Variants in GSDMC observed in about 807,000 individuals in gnomAD.
GSDMC encodes the protein gasdermin C.
GSDMC carries 59 observed loss-of-function variants against 58.0 expected under a neutral mutation model. The observed-to-expected ratio is 1.02, with a 90% CI of 0.82 to 1.26. GSDMC has a LOEUF of 1.26. Among genes scored for constraint, GSDMC ranks in the 50% most tolerant of loss-of-function variants. GSDMC has a pLI of 0.00. For synonymous variants in GSDMC, 241 were observed against 220.2 expected (o/e 1.09, Z -0.83); for missense variants, 659 against 598.5 (o/e 1.10, Z -1.06).
the GSDMC span, among the ~76,000 whole-genome samples, chr8:129,711,212 C>T: frequency 4.6e-5 from 7 of 152,132 alleles, no homozygotes; most frequent in Admixed American, 6.5e-5. Flanking sequence ...TCTTTACATG[C>T]GTGTACAATC....
chr8:129,718,818 G>A, the GSDMC span, among the ~76,000 whole-genome samples: 1 of 152,216 alleles, frequency 6.6e-6, no homozygotes, highest in East Asian at 1.9e-4. Context: ...TAAAGAAAAT[G>A]TGGCACTTAT....
At chr8:129,753,922 G>C (rs1563791254) in intron 6 of GSDMC, among the ~76,000 whole-genome samples, 1 of 152,200 alleles carries the variant, frequency 6.6e-6, no homozygotes, top group Non-Finnish European at 1.5e-5. Context: ...CCTGTGAAAA[G>C]GGGAGGGAAG....
intron 3 of GSDMC, among the ~76,000 whole-genome samples, chr8:129,769,448 T>G (rs2033979439): frequency 6.6e-6 from 1 of 152,194 alleles, no homozygotes; most frequent in Non-Finnish European, 1.5e-5. Flanking sequence ...AAATTATATA[T>G]AACTGAAGTT....
downstream of GSDMC, among the ~76,000 whole-genome samples, chr8:129,747,582 G>A (rs980094346): frequency 6.6e-6 from 1 of 152,176 alleles, no homozygotes; most frequent in Non-Finnish European, 1.5e-5. Context: ...GATAATTCTA[G>A]ATGACAGGGA....
At chr8:129,719,089 G>A in the GSDMC span, among the ~76,000 whole-genome samples, 4 of 152,254 alleles carry the variant, frequency 2.6e-5, no homozygotes, top group South Asian at 4.1e-4. Flanking sequence ...TGTAGATGAC[G>A]AGTTGATGGG....
intron 3 of GSDMC, among the ~76,000 whole-genome samples, chr8:129,769,764 C>G (rs2033990214): frequency 6.6e-6 from 1 of 152,138 alleles, no homozygotes; most frequent in Non-Finnish European, 1.5e-5. Context: ...AGGGGACATT[C>G]AAACCACAGA....
intron 1 of GSDMC, among the ~76,000 whole-genome samples, chr8:129,778,964 T>C (rs1212224911): frequency 6.6e-6 from 1 of 152,076 alleles, no homozygotes; most frequent in Non-Finnish European, 1.5e-5. Context: ...AAATAACAGA[T>C]GCTGGCAAGG....
At position 129,751,000 on chromosome 8, in the gene GSDMC, G is replaced by A. The variant is rs945955975; in HGVS notation, c.944-430C>T. On this transcript the variant is annotated intron_variant, in intron 10 of 13. Transcript: ENST00000276708. ...AAAAGAGTTTATGTAGGCCAAGCAT[G>A]ATTGCTCACACCTGTAATCCCAGCA... Among the ~76,000 whole-genome samples, 3 of 152,286 alleles carry A rather than the reference G, an allele frequency of 2.0e-5. No homozygotes were observed. In the South Asian group the frequency reaches 6.2e-4, roughly 32 times the overall value.
chr8:129,737,471 C>T, the GSDMC span, among the ~76,000 whole-genome samples: 1 of 152,152 alleles, frequency 6.6e-6, no homozygotes, highest in African/African-American at 2.4e-5. Flanking sequence ...GAAAAGAGCC[C>T]TCAGAAACAA....
Position 129,775,399 on chromosome 8 carries a change from G to A in GSDMC, c.404+703C>T, listed in dbSNP as rs550993409. 2.2e-4 allele frequency among the ~76,000 whole-genome samples: 33 copies of A among 152,234 alleles called. No individual in the cohort carries two copies. In the South Asian group the frequency reaches 5.4e-3, roughly 25 times the overall value. On this transcript the variant is annotated intron_variant, in intron 3 of 13. Coordinates refer to ENST00000276708, the MANE Select transcript of GSDMC (RefSeq NM_031415.3). ...ACAAAATAAAATGGTGGTTAGCAGG[G>A]GTTAGGAAGTCAGGGAAATGGGGCA... is the stretch of plus-strand genomic sequence containing the variant.
In GSDMC at chr8:129,748,526, A is replaced by G. The variant is rs2033029206; in HGVS notation, c.1502T>C (p.Leu501Ser). 3.1e-6 allele frequency: 5 copies of G among 1,610,820 alleles called. No homozygotes were observed. In the East Asian group the frequency reaches 1.1e-4, roughly 36 times the overall value. ...TTAGGCCTCAGCCAGCTGCTGCAGC[A>G]ACGAGAGAGTCCCATAGAGGGCAGA... ...PLSALYGTLS[L>S]LQQLAEA Residue 501 changes from leucine to serine, a missense_variant, in exon 14 of 14, where the codon TTG (leucine) becomes TCG (serine). Transcript: ENST00000276708.
At chr8:129,717,250 C>CTT in the GSDMC span, among the ~76,000 whole-genome samples, 179 of 114,628 alleles carry the variant, frequency 1.6e-3, 5 homozygotes, top group Middle Eastern at 9.5e-3. Context: ...TGGTCCTGGG[C>CTT]TTTTTTTTTT....
the GSDMC span, among the ~76,000 whole-genome samples, chr8:129,731,458 G>C: frequency 0.13 from 19,471 of 152,226 alleles, 2,180 homozygotes; most frequent in African/African-American, 0.3. Context: ...GTTTGTGTTT[G>C]TCAAGGTTCT....
At chr8:129,785,485 A>T (rs969395473) in intron 1 of GSDMC, among the ~76,000 whole-genome samples, 3 of 152,066 alleles carry the variant, frequency 2.0e-5, no homozygotes, top group African/African-American at 4.8e-5. Flanking sequence ...AATAAGATCT[A>T]GTATTCGATA....
At chr8:129,725,075 C>T in the GSDMC span, among the ~76,000 whole-genome samples, 1 of 152,208 alleles carries the variant, frequency 6.6e-6, no homozygotes, top group Admixed American at 6.5e-5. Context: ...TTGCTCCTGT[C>T]CTCTGCTAGC....
In GSDMC at chr8:129,762,615, G is replaced by A. The variant is rs115029207; in HGVS notation, c.676+11C>T. On this transcript the variant is annotated intron_variant, in intron 5 of 13. Coordinates refer to ENST00000276708, the MANE Select transcript of GSDMC (RefSeq NM_031415.3). ...ACTGCCATCTGCCTTGCTGAGCTCC[G>A]CTGCTCCCACCTTTCTCCTTGATAA... The A allele has an allele frequency of 1.7e-4, 273 of 1,561,290 alleles. No homozygotes were observed. In the African/African-American group the frequency reaches 3.1e-3, roughly 18 times the overall value.
intron 1 of GSDMC, among the ~76,000 whole-genome samples, chr8:129,779,788 C>T (rs944841929): frequency 3.9e-5 from 6 of 151,956 alleles, no homozygotes; most frequent in Non-Finnish European, 8.8e-5. Flanking sequence ...AAGTAAGGCA[C>T]CAGGGACCAA....
the GSDMC span, among the ~76,000 whole-genome samples, chr8:129,740,720 C>T: frequency 2.0e-5 from 3 of 152,082 alleles, no homozygotes; most frequent in Non-Finnish European, 2.9e-5. Flanking sequence ...CTGATTTATA[C>T]ACGACTATAT....
chr8:129,767,819 G>A (rs1315170105), intron 3 of GSDMC, among the ~76,000 whole-genome samples: 1 of 151,850 alleles, frequency 6.6e-6, no homozygotes, highest in Non-Finnish European at 1.5e-5. Context: ...CCCAGTCAGG[G>A]AGCACTTCAT....
Sources: gnomAD v4.1 joint callset for allele counts (sites outside exome capture counted in the v4.1 genomes callset) on GRCh38, gnomAD v4.1.1 for gene constraint, MANE v1.5 for transcripts, NCBI Gene and HGNC (gene_info 2026-07-23, HGNC 2026-07-21) for gene names.